The following NKX2-3 variants were observed in gnomAD, a reference collection of about 807,000 sequenced individuals.
The protein encoded by NKX2-3 is homeobox protein Nkx-2.3.
NKX2-3 carries 3 observed loss-of-function variants against 14.2 expected under a neutral mutation model. The observed-to-expected ratio is 0.21, with a 90% confidence interval of 0.10 to 0.55. The LOEUF is 0.55. NKX2-3 is among the 20% of genes least tolerant of loss of function. NKX2-3 has a pLI of 0.94. For synonymous variants in NKX2-3, 276 were observed against 234.2 expected, an observed-to-expected ratio of 1.18 and a Z score of -1.63; for missense variants, 511 against 514.5, an observed-to-expected ratio of 0.99 and a Z score of 0.06.
At position 99,535,283 on chromosome 10, in the gene NKX2-3, C is replaced by G. The variant is rs746307716; in HGVS notation, c.657C>G (p.Pro219=). ...CTCTGGAGCTTGGCGCACACGCGCCCCCGCCGCCGCCGCGCCGCGTGGCTG... is the reference window on the plus strand; with the variant it reads ...CTCTGGAGCTTGGCGCACACGCGCCGCCGCCGCCGCCGCGCCGCGTGGCTG... ...DKSLELGAHA[P]PPPPRRVAVP... Residue 219 remains proline, a synonymous_variant, in exon 2 of 2, where the codon CCC becomes CCG. Transcript: ENST00000344586. The G allele has an allele frequency of 1.9e-6, 3 of 1,594,186 alleles. No homozygotes were observed. The highest frequency in any genetic ancestry group is 3.5e-5 in the Admixed American group (2 of 57,294).
chr10:99,534,671 A>C (rs759577295), intron 1 of NKX2-3, among the ~76,000 whole-genome samples: 21 of 152,242 alleles, frequency 1.4e-4, no homozygotes, highest in Non-Finnish European at 2.2e-4. Flanking sequence ...CTTCATCCTG[A>C]AAATAGTCAT....
chr10:99,534,485 C>CCA (rs140840756), intron 1 of NKX2-3, among the ~76,000 whole-genome samples: 53 of 151,952 alleles, frequency 3.5e-4, no homozygotes, highest in Admixed American at 5.2e-4. Context: ...CTTTTATAAG[C>CCA]CACACACACA....
rs922000064 is a variant in NKX2-3, at chr10:99,532,973, C to T, written c.-159C>T. 1 of 610,504 alleles carries T rather than the reference C, an allele frequency of 1.6e-6. No individual in the cohort carries two copies. Among genetic ancestry groups the T allele is most frequent in the Non-Finnish European group, 2.9e-6 (1 of 340,566 alleles). The allele number at this position is 610,504 out of a possible 1,614,324, so 37.8% of individuals were successfully genotyped here. Reference sequence around the variant, plus strand: ...TGTAACAAAACCCAGACCCCCAGGTCCCGGCCAATGGAGGCGATTTAGACT... The same window carrying T: ...TGTAACAAAACCCAGACCCCCAGGTTCCGGCCAATGGAGGCGATTTAGACT... On this transcript the variant is annotated 5_prime_UTR_variant, in exon 1 of 2. Coordinates refer to ENST00000344586, the MANE Select transcript of NKX2-3 (RefSeq NM_145285.3).
At chr10:99,534,321 T>C (rs1022956072) in intron 1 of NKX2-3, among the ~76,000 whole-genome samples, 1 of 152,228 alleles carries the variant, frequency 6.6e-6, no homozygotes, top group African/African-American at 2.4e-5. Context: ...AGAATCACAG[T>C]CTTTCCCCAA....
chr10:99,534,852 A>G (rs1314539782), intron 1 of NKX2-3, 133 bp from the exon 2 acceptor site: 2 of 1,141,380 alleles, frequency 1.8e-6, no homozygotes, highest in Non-Finnish European at 2.4e-6. Flanking sequence ...AGGAGCCACA[A>G]ACGTTCCCAA....
In NKX2-3 at chr10:99,535,406, C is replaced by G; in HGVS notation, c.780C>G (p.Asn260Lys). Residue 260 changes from asparagine (N) to lysine (K), a missense_variant, in exon 2 of 2, where the codon AAC (asparagine) becomes AAG (lysine). Asn to Lys is a moderately conservative substitution (Grantham distance 94). This residue lies in a region of NKX2-3 where 264 missense variants were observed against 254.7 expected (regional missense o/e 1.04). Coordinates refer to ENST00000344586, the MANE Select transcript of NKX2-3 (RefSeq NM_145285.3). ...YSVGASAYSY[N>K]SFPAYGYGNS... ...TGGGCGCCAGCGCCTACTCCTACAA[C>G]AGCTTCCCCGCCTACGGCTATGGGA... 11 of 1,437,538 alleles carry G rather than the reference C, an allele frequency of 7.7e-6. No individual in the cohort carries two copies. The highest frequency in any genetic ancestry group is 1.0e-5 in the Non-Finnish European group (11 of 1,098,602). The allele number at this position is 1,437,538 out of a possible 1,614,324, so 89.0% of individuals were successfully genotyped here.
Position 99,535,973 on chromosome 10 carries a change from C to A in NKX2-3, c.*252C>A. 2.0e-6 allele frequency: 1 copy of A among 512,498 alleles called. No homozygotes were observed. Among genetic ancestry groups the A allele is most frequent in the Admixed American group, 3.8e-5 (1 of 26,140 alleles). 31.7% of individuals were successfully genotyped at this position (512,498 alleles called of 1,614,324 possible). On this transcript the variant is annotated 3_prime_UTR_variant, in exon 2 of 2. Coordinates refer to ENST00000344586, the MANE Select transcript of NKX2-3 (RefSeq NM_145285.3). ...GGCTGGGCGCCGGGGAGGACGATGGCCCCGACCCTGGCAGCGAGAGGAGAC... is the reference window on the plus strand; with the variant it reads ...GGCTGGGCGCCGGGGAGGACGATGGACCCGACCCTGGCAGCGAGAGGAGAC...
rs1445933529 is a variant in NKX2-3 at position 99,533,290 on chromosome 10, G to T, written c.159G>T (p.Thr53=). The T allele has an allele frequency of 1.9e-6, 3 of 1,613,764 alleles. No individual in the cohort carries two copies. In the African/African-American group the frequency reaches 4.0e-5, roughly 22 times the overall value. ...GCATGCTGGCCGCCGCTGAGGGGAC[G>T]CAATTTTCTGACGGAGGGGAGGAGG... ...APCMLAAAEG[T]QFSDGGEEDE... The change falls in exon 1 of 2, where the codon ACG becomes ACT. Residue 53 remains threonine, a synonymous_variant. Transcript: ENST00000344586.
chr10:99,535,878 G>A lies in NKX2-3; in HGVS notation c.*157G>A, dbSNP rs1333529793. The stretch of plus-strand genomic sequence containing the variant: ...GGATCGCAGCTCACTCGAGGCCTGG[G>A]GAAGGGGACTCAGGGGCGAGGAGGA... On this transcript the variant is annotated 3_prime_UTR_variant, in exon 2 of 2. Coordinates refer to ENST00000344586, the MANE Select transcript of NKX2-3 (RefSeq NM_145285.3). The A allele has an allele frequency of 4.6e-6, 4 of 864,360 alleles. No individual in the cohort carries two copies. In the East Asian group the frequency reaches 9.7e-5, roughly 21 times the overall value. The allele number at this position is 864,360 out of a possible 1,614,324, so 53.5% of individuals were successfully genotyped here. A position where few individuals can be genotyped will look rare whatever the true frequency, so the allele number is the denominator to read the frequency against.
chr10:99,535,648 A>G lies in NKX2-3; in HGVS notation c.1022A>G (p.Gln341Arg). 1.3e-6 allele frequency: 2 copies of G among 1,536,196 alleles called. No homozygotes were observed. Among genetic ancestry groups the G allele is most frequent in the Non-Finnish European group, 1.7e-6 (2 of 1,144,870 alleles). The part of the protein sequence containing the change: ...LGGFGSGGSA[Q>R]PLHQGTAAGA... Reference sequence around the variant, plus strand: ...GGCTTCGGCAGCGGCGGCAGCGCACAGCCGTTGCACCAGGGTACTGCAGCC... The same window carrying G: ...GGCTTCGGCAGCGGCGGCAGCGCACGGCCGTTGCACCAGGGTACTGCAGCC... Residue 341 changes from glutamine to arginine, a missense_variant, in exon 2 of 2, where the codon CAG (glutamine) becomes CGG (arginine). Physicochemically the swap from Gln to Arg is conservative, Grantham distance 43. Transcript: ENST00000344586.
In NKX2-3 at chr10:99,533,318, G is replaced by A. The variant is rs758034960; in HGVS notation, c.187G>A (p.Glu63Lys). The A allele has an allele frequency of 2.5e-6, 4 of 1,613,570 alleles. No homozygotes were observed. Among genetic ancestry groups the A allele is most frequent in the Non-Finnish European group, 3.4e-6 (4 of 1,179,812 alleles). The change falls in exon 1 of 2, where the codon GAG (glutamate) becomes AAG (lysine). Residue 63 changes from glutamate (E) to lysine (K), a missense_variant. This residue lies in a region of NKX2-3 where 243 missense variants were observed against 242.3 expected (regional missense o/e 1.00). Transcript: ENST00000344586. ...TQFSDGGEEDEEDEGEKLSYL... is the reference protein window; with the variant it reads ...TQFSDGGEEDKEDEGEKLSYL... ...ATTTTCTGACGGAGGGGAGGAGGAC[G>A]AGGAAGACGAGGGCGAGAAATTGTC...
chr10:99,533,406 A>G lies in NKX2-3; in HGVS notation c.275A>G (p.Tyr92Cys), dbSNP rs1238284859. 1 of 1,604,964 alleles carries G rather than the reference A, an allele frequency of 6.2e-7. No homozygotes were observed. Among genetic ancestry groups the G allele is most frequent in the Non-Finnish European group, 8.5e-7 (1 of 1,176,600 alleles). Reference sequence around the variant, plus strand: ...GATTCAGGGCTGTGTCCCCAGGGCTATGTCCACACGGTCCTGCGAGACTCG... The same window carrying G: ...GATTCAGGGCTGTGTCCCCAGGGCTGTGTCCACACGGTCCTGCGAGACTCG... Reference protein sequence around the residue: ...HGDSGLCPQGYVHTVLRDSCS... With the variant: ...HGDSGLCPQGCVHTVLRDSCS... Residue 92 changes from tyrosine (Y) to cysteine (C), a missense_variant, in exon 1 of 2, where the codon TAT becomes TGT. Transcript: ENST00000344586.
Position 99,533,240 on chromosome 10 carries a change from G to C in NKX2-3, c.109G>C (p.Glu37Gln). Residue 37 changes from glutamate to glutamine, a missense_variant, in exon 1 of 2, where the codon GAG becomes CAG. Physicochemically the swap from Glu to Gln is conservative, Grantham distance 29 (BLOSUM62 2). Transcript: ENST00000344586. ...TGGTGCGCACTTGCAGGCGGACTTGGAGCACCACTTCCACTCTGCGCCCTG... is the reference window on the plus strand; with the variant it reads ...TGGTGCGCACTTGCAGGCGGACTTGCAGCACCACTTCCACTCTGCGCCCTG... ...FHGAHLQADLEHHFHSAPCML... is the reference protein window; with the variant it reads ...FHGAHLQADLQHHFHSAPCML... 5 of 1,612,258 alleles carry C rather than the reference G, an allele frequency of 3.1e-6. No individual in the cohort carries two copies. The highest frequency in any genetic ancestry group is 4.2e-6 in the Non-Finnish European group (5 of 1,178,382).
intron 1 of NKX2-3, among the ~76,000 whole-genome samples, chr10:99,533,827 C>A (rs1452695005): frequency 6.6e-6 from 1 of 152,242 alleles, no homozygotes; most frequent in Non-Finnish European, 1.5e-5. Context: ...CCCCCCGCCC[C>A]AAAAGGCTCT....
chr10:99,535,507 C>T lies in NKX2-3; in HGVS notation c.881C>T (p.Ala294Val). 1 of 1,233,416 alleles carries T rather than the reference C, an allele frequency of 8.1e-7. No homozygotes were observed. The highest frequency in any genetic ancestry group is 1.0e-6 in the Non-Finnish European group (1 of 984,774). The allele number at this position is 1,233,416 out of a possible 1,614,324, so 76.4% of individuals were successfully genotyped here. A position where few individuals can be genotyped will look rare whatever the true frequency, so the allele number is the denominator to read the frequency against. The change falls in exon 2 of 2, where the codon GCG becomes GTG. Residue 294 changes from alanine to valine, a missense_variant. By Grantham distance (64) the Ala-to-Val change is moderately conservative. Around this residue, in one of 3 missense-constraint regions of NKX2-3, gnomAD observed 264 missense variants for 254.7 expected, o/e 1.04. Transcript: ENST00000344586. ...AAAYSSSYGC[A>V]YPAGGGGGGG... Reference sequence around the variant, plus strand: ...GCCTACAGCAGCAGCTATGGCTGTGCGTACCCGGCGGGCGGCGGCGGCGGC... The same window carrying T: ...GCCTACAGCAGCAGCTATGGCTGTGTGTACCCGGCGGGCGGCGGCGGCGGC...
chr10:99,533,389 G>T lies in NKX2-3; in HGVS notation c.258G>T (p.Gly86=), dbSNP rs1410134989. The T allele has an allele frequency of 1.9e-6, 3 of 1,608,054 alleles. No homozygotes were observed. The highest frequency in any genetic ancestry group is 2.5e-6 in the Non-Finnish European group (3 of 1,177,932). ...LAAADGHGDS[G]LCPQGYVHTV... is the part of the protein sequence containing the mutation. ...CAGCAGACGGCCACGGGGATTCAGGGCTGTGTCCCCAGGGCTATGTCCACA... is the reference window on the plus strand; with the variant it reads ...CAGCAGACGGCCACGGGGATTCAGGTCTGTGTCCCCAGGGCTATGTCCACA... The change falls in exon 1 of 2, where the codon GGG becomes GGT. Residue 86 remains glycine, a synonymous_variant. Transcript: ENST00000344586.
At chr10:99,534,826 A>G (rs967713145) in intron 1 of NKX2-3, among the ~76,000 whole-genome samples, 159 bp from the exon 2 acceptor site, 2 of 152,216 alleles carry the variant, frequency 1.3e-5, no homozygotes, top group African/African-American at 2.4e-5. Flanking sequence ...GGGCTGTCTC[A>G]GGGTCCCACA....
rs2033958887 is a variant in NKX2-3, at chr10:99,535,463, C to T, written c.837C>T (p.Ala279=). ...NSAAAAAAAA[A]AAAAAAAYSS... is the part of the protein sequence containing the mutation. ...CCGCGGCCGCCGCCGCCGCCGCCGC[C>T]GCCGCCGCAGCAGCGGCGGCCTACA... The change falls in exon 2 of 2, where the codon GCC becomes GCT. Residue 279 remains alanine, a synonymous_variant. Coordinates refer to ENST00000344586, the MANE Select transcript of NKX2-3 (RefSeq NM_145285.3). 1.6e-6 allele frequency: 2 copies of T among 1,251,926 alleles called. No individual in the cohort carries two copies. Among genetic ancestry groups the T allele is most frequent in the Non-Finnish European group, 1.0e-6 (1 of 991,606 alleles). The allele number at this position is 1,251,926 out of a possible 1,614,324, so 77.6% of individuals were successfully genotyped here. A position where few individuals can be genotyped will look rare whatever the true frequency, so the allele number is the denominator to read the frequency against.
At position 99,533,485 on chromosome 10, in the gene NKX2-3, C is replaced by A. The variant is rs1257401044; in HGVS notation, c.354C>A (p.Ser118Arg). Residue 118 changes from serine to arginine, a missense_variant, in exon 1 of 2, where the codon AGC becomes AGA. Physicochemically the swap from Ser to Arg is moderately radical, Grantham distance 110. Coordinates refer to ENST00000344586, the MANE Select transcript of NKX2-3 (RefSeq NM_145285.3). ...EEEPEVVRDR[S>R]QKSCQLKKSL... is the part of the protein sequence containing the mutation. ...AGCCCGAGGTCGTGAGGGACCGGAGCCAAAGTGAGTAGAGGGGGAAAGAAA... is the reference window on the plus strand; with the variant it reads ...AGCCCGAGGTCGTGAGGGACCGGAGACAAAGTGAGTAGAGGGGGAAAGAAA... 7 of 1,572,302 alleles carry A rather than the reference C, an allele frequency of 4.5e-6. No homozygotes were observed. The highest frequency in any genetic ancestry group is 1.9e-4 in the Middle Eastern group (1 of 5,314).
Sources: gnomAD v4.1 joint callset for allele counts (sites outside exome capture counted in the v4.1 genomes callset) on GRCh38, gnomAD v4.1.1 for gene constraint, gnomAD v4.1.1 regional missense constraint, MANE v1.5 for transcripts, NCBI Gene and HGNC (gene_info 2026-07-23, HGNC 2026-07-21) for gene names.